Variants in PPP1R1C observed in about 807,000 individuals in gnomAD.
PPP1R1C encodes protein phosphatase 1 regulatory inhibitor subunit 1C, also known as protein phosphatase 1 regulatory subunit 1C.
A neutral mutation model predicts 17.4 loss-of-function variants in PPP1R1C; 15 were observed. The ratio of observed to expected loss-of-function variants is 0.86; its 90% CI spans 0.58 to 1.33. The LOEUF (loss-of-function observed/expected upper bound fraction) is 1.33. Among genes scored for constraint, PPP1R1C ranks in the 40% most tolerant of loss-of-function variants. The pLI, the probability that PPP1R1C is intolerant of heterozygous loss-of-function variation, is 0.00. For synonymous variants in PPP1R1C, 35 were observed against 43.1 expected, an observed-to-expected ratio of 0.81 and a Z score of 0.73; for missense variants, 143 against 130.0, an observed-to-expected ratio of 1.10 and a Z score of -0.48.
At chr2:182,068,240 G>A (rs1264214410) in intron 4 of PPP1R1C, among the ~76,000 whole-genome samples, 3 of 152,118 alleles carry the variant, frequency 2.0e-5, no homozygotes, top group African/African-American at 7.2e-5. Flanking sequence ...TTGCTGTAGG[G>A]ACTGAATGAA....
chr2:182,130,947 G>A (rs986794076), downstream of PPP1R1C: 1 of 152,140 alleles, frequency 6.6e-6, no homozygotes, highest in Non-Finnish European at 1.5e-5. Flanking sequence ...CACTTTTATT[G>A]TCAGAATAAA....
chr2:182,126,126 T>A (rs1366366713), intron 5 of PPP1R1C, among the ~76,000 whole-genome samples: 1 of 152,116 alleles, frequency 6.6e-6, no homozygotes, highest in African/African-American at 2.4e-5. Context: ...AATTGTAATA[T>A]AGATTTATGC....
intron 2 of PPP1R1C, among the ~76,000 whole-genome samples, chr2:182,002,930 T>TCC (rs36118410): frequency 2.4e-4 from 18 of 74,608 alleles, no homozygotes; most frequent in African/African-American, 3.8e-4. Flanking sequence ...GCCATAAACC[T>TCC]CCCCCCCCCC....
At chr2:181,987,966 C>T (rs754293941) in intron 2 of PPP1R1C, 67 bp downstream of exon 2, 18 of 1,329,048 alleles carry the variant, frequency 1.4e-5, no homozygotes, top group Non-Finnish European at 1.9e-5. Context: ...CATCAAAGTA[C>T]ATGTCGTACT....
chr2:181,968,276 C>G (rs1437776722), intron 1 of PPP1R1C, among the ~76,000 whole-genome samples: 1 of 152,132 alleles, frequency 6.6e-6, no homozygotes, highest in Admixed American at 6.5e-5. Flanking sequence ...ATGATCTGTC[C>G]AGTGCTACAG....
At chr2:182,022,273 A>G (rs533557494) in intron 2 of PPP1R1C, among the ~76,000 whole-genome samples, 24 of 152,372 alleles carry the variant, frequency 1.6e-4, no homozygotes, top group African/African-American at 5.8e-4. Flanking sequence ...TTTAGTGAGC[A>G]TAGGCTAAAT....
chr2:182,122,878 T>C (rs1189939662), intron 5 of PPP1R1C, among the ~76,000 whole-genome samples: 1 of 152,204 alleles, frequency 6.6e-6, no homozygotes, highest in Non-Finnish European at 1.5e-5. Context: ...TATTATACTC[T>C]AAGTTCTGGG....
intron 2 of PPP1R1C, among the ~76,000 whole-genome samples, chr2:182,000,252 AC>A (rs1394061648): frequency 1.3e-5 from 2 of 152,136 alleles, no homozygotes; most frequent in Non-Finnish European, 2.9e-5. Context: ...CAAATCTCAA[AC>A]CCACCTCCCT....
intron 5 of PPP1R1C, among the ~76,000 whole-genome samples, chr2:182,126,153 T>C (rs1689867120): frequency 6.6e-6 from 1 of 152,094 alleles, no homozygotes; most frequent in African/African-American, 2.4e-5. Flanking sequence ...AAATAAACCA[T>C]ATATATTGTA....
rs1319953952 is a variant in PPP1R1C at position 182,117,315 on chromosome 2, A to C, written c.*20A>C. The C allele has an allele frequency of 6.6e-7, 1 of 1,505,768 alleles. No homozygotes were observed. Among genetic ancestry groups the C allele is most frequent in the East Asian group, 2.5e-5 (1 of 40,794 alleles). The allele number at this position is 1,505,768 out of a possible 1,614,324, so 93.3% of individuals were successfully genotyped here. A position where few individuals can be genotyped will look rare whatever the true frequency, so the allele number is the denominator to read the frequency against. ...CATTAATTACTGGTCTGCAGCAAGAAGGCTTCTTGGAAATAACTGAACTAT... is the reference window on the plus strand; with the variant it reads ...CATTAATTACTGGTCTGCAGCAAGACGGCTTCTTGGAAATAACTGAACTAT... On this transcript the variant is annotated 3_prime_UTR_variant, in exon 5 of 5. Coordinates refer to ENST00000682840, the MANE Select transcript of PPP1R1C (RefSeq NM_001080545.3).
intron 2 of PPP1R1C, among the ~76,000 whole-genome samples, chr2:182,003,540 G>A (rs1685832269): frequency 6.6e-6 from 1 of 151,952 alleles, no homozygotes; most frequent in Admixed American, 6.6e-5. Context: ...GCAGCTCAGA[G>A]CTGAAAAAAT....
intron 1 of PPP1R1C, among the ~76,000 whole-genome samples, chr2:181,960,952 A>C (rs923623291): frequency 6.6e-6 from 1 of 152,192 alleles, no homozygotes; most frequent in Non-Finnish European, 1.5e-5. Context: ...CAATTCCATA[A>C]TATACCCTGA....
intron 1 of PPP1R1C, among the ~76,000 whole-genome samples, chr2:181,966,800 G>C (rs998657593): frequency 1.3e-5 from 2 of 152,138 alleles, no homozygotes; most frequent in African/African-American, 4.8e-5. Context: ...TTTGATTTCA[G>C]GGTAATAATA....
At chr2:182,016,585 A>G (rs1686268413) in intron 2 of PPP1R1C, among the ~76,000 whole-genome samples, 1 of 152,244 alleles carries the variant, frequency 6.6e-6, no homozygotes, top group Admixed American at 6.5e-5. Flanking sequence ...GTAGTGGTCT[A>G]ATAAAAGTTT....
At chr2:182,075,861 C>G (rs1228991081) in intron 4 of PPP1R1C, among the ~76,000 whole-genome samples, 4 of 152,054 alleles carry the variant, frequency 2.6e-5, no homozygotes, top group Non-Finnish European at 5.9e-5. Flanking sequence ...AGCTTTGCCT[C>G]AACTTACAGT....
At chr2:182,101,472 C>G (rs1282948982) in intron 4 of PPP1R1C, among the ~76,000 whole-genome samples, 2 of 152,142 alleles carry the variant, frequency 1.3e-5, no homozygotes, top group Non-Finnish European at 2.9e-5. Context: ...TTTCTTTTTA[C>G]TGCATCAGGT....
In PPP1R1C at chr2:181,976,778, C is replaced by G. The variant is rs945216980; in HGVS notation, n.157+1514C>G. Reference sequence around the variant, plus strand: ...TCCACTCCACTCTTGCTCTTGCTCTCTACTGTAAGGTCCCATGTTTGAAGG... The same window carrying G: ...TCCACTCCACTCTTGCTCTTGCTCTGTACTGTAAGGTCCCATGTTTGAAGG... On this transcript the variant is annotated intron_variant and non_coding_transcript_variant, in intron 2 of 5. Coordinates refer to the PPP1R1C transcript ENST00000464264. This position sits in a 1 kb window ranked among gnomAD's most constrained non-coding sequence, Gnocchi z 4.8. Among the ~76,000 whole-genome samples the G allele has an allele frequency of 2.4e-4, 37 of 152,254 alleles. No individual in the cohort carries two copies. The highest frequency in any genetic ancestry group is 8.4e-4 in the African/African-American group (35 of 41,564).
chr2:182,008,097 A>AAAAT lies in PPP1R1C; in HGVS notation c.142+20202_142+20205dup, dbSNP rs1553502687. 7.0e-3 allele frequency among the ~76,000 whole-genome samples: 1,058 copies of AAAAT among 150,526 alleles called. 6 individuals carry two copies. Among genetic ancestry groups the AAAAT allele is most frequent in the Non-Finnish European group, 0.011 (737 of 67,762 alleles). On this transcript the variant is annotated intron_variant, in intron 2 of 4. Transcript: ENST00000682840. ...AAAACAAACAAATAAATAAAAAAATAAAATAAAATGAAATCAATACTTTTG... is the reference window on the plus strand; with the variant it reads ...AAAACAAACAAATAAATAAAAAAATAAAATAAATAAAATGAAATCAATACTTTTG...
intron 2 of PPP1R1C, chr2:182,031,042 A>C (rs555478650): frequency 6.5e-6 from 1 of 153,660 alleles, no homozygotes. Context: ...GCGCTTCCCA[A>C]GTGAGGCAAT....
Sources: allele counts gnomAD v4.1 joint callset (sites outside exome capture counted in the v4.1 genomes callset), GRCh38; gene constraint gnomAD v4.1.1; non-coding constraint Gnocchi (gnomAD v3.1); transcripts MANE v1.5; gene names NCBI Gene and HGNC (gene_info 2026-07-23, HGNC 2026-07-21).